LINGO1: variants seen among roughly 807,000 people sequenced by gnomAD.
LINGO1 encodes the protein leucine rich repeat and Ig domain containing 1.
LINGO1 carries 11 observed loss-of-function variants against 37.3 expected under a neutral mutation model. That is an observed-to-expected ratio of 0.29 (90% CI 0.19 to 0.49). The LOEUF (loss-of-function observed/expected upper bound fraction) is 0.49, where lower values mean the gene tolerates loss of function less well. LINGO1 is among the 20% of genes least tolerant of loss of function. The pLI, the probability that LINGO1 is intolerant of heterozygous loss-of-function variation, is 0.99. For synonymous variants in LINGO1, 387 were observed against 403.0 expected (o/e 0.96, Z 0.48); for missense variants, 585 against 878.2 (o/e 0.67, Z 4.22).
chr15:77,697,129 G>T (rs564673047), upstream of LINGO1, among the ~76,000 whole-genome samples: 1 of 152,374 alleles, frequency 6.6e-6, no homozygotes, highest in South Asian at 2.1e-4. Flanking sequence ...GGGCAATAGA[G>T]CCGGGGCTCA....
chr15:77,669,263 C>G (rs1047716038), intron 3 of LINGO1, among the ~76,000 whole-genome samples: 1 of 152,172 alleles, frequency 6.6e-6, no homozygotes, highest in African/African-American at 2.4e-5. Context: ...GGCTTAGGGT[C>G]GCCTCTGCTC....
chr15:77,806,488 G>T (rs1311013473), intron 1 of LINGO1, among the ~76,000 whole-genome samples: 3 of 152,126 alleles, frequency 2.0e-5, no homozygotes, highest in South Asian at 2.1e-4. Flanking sequence ...CAGGTCCCTG[G>T]GGCGAGCTTG....
intron 1 of LINGO1, chr15:77,784,702 G>T (rs898793891): frequency 6.6e-6 from 1 of 152,034 alleles, no homozygotes; most frequent in Non-Finnish European, 1.5e-5. Context: ...AGCCTCTCTC[G>T]GTGGCTCAGA....
At chr15:77,652,471 C>A (rs543878219) in intron 3 of LINGO1, among the ~76,000 whole-genome samples, 67 of 104,860 alleles carry the variant, frequency 6.4e-4, no homozygotes, top group African/African-American at 2.4e-3. Context: ...ACAGCTGCAG[C>A]TGGGGAGGGA....
chr15:77,628,600 C>T (rs934649775), intron 1 of LINGO1, among the ~76,000 whole-genome samples: 13 of 152,096 alleles, frequency 8.5e-5, no homozygotes, highest in Admixed American at 2.0e-4. Flanking sequence ...GGCAACGGGA[C>T]GGGGTGTGCA....
upstream of LINGO1, among the ~76,000 whole-genome samples, chr15:77,791,721 T>C (rs1208045267): frequency 6.6e-6 from 1 of 152,018 alleles, no homozygotes; most frequent in Admixed American, 6.5e-5. Context: ...AAGAGTCCCT[T>C]ACAAGAGGAA....
In LINGO1 at chr15:77,630,377, G is replaced by A. The variant is rs541624574; in HGVS notation, c.6+1933C>T. ...CACACATGAGCCCTCACCGGCACCAGGGATCCCGTCTAGCCTCATGCAGAA... is the reference window on the plus strand; with the variant it reads ...CACACATGAGCCCTCACCGGCACCAAGGATCCCGTCTAGCCTCATGCAGAA... On this transcript the variant is annotated intron_variant, in intron 1 of 1. Coordinates refer to ENST00000355300, the MANE Select transcript of LINGO1 (RefSeq NM_032808.7). Among the ~76,000 whole-genome samples the A allele has an allele frequency of 6.6e-5, 10 of 152,322 alleles. No individual in the cohort carries two copies. In the South Asian group the frequency reaches 1.9e-3, roughly 28 times the overall value.
intron 3 of LINGO1, among the ~76,000 whole-genome samples, chr15:77,650,002 A>G (rs761211022): frequency 6.6e-6 from 1 of 152,248 alleles, no homozygotes; most frequent in Non-Finnish European, 1.5e-5. Flanking sequence ...CCAAATCCCA[A>G]GCCTCAGTGT....
intron 2 of LINGO1, among the ~76,000 whole-genome samples, chr15:77,732,198 C>T (rs1240612195): frequency 6.6e-6 from 1 of 152,226 alleles, no homozygotes; most frequent in African/African-American, 2.4e-5. Flanking sequence ...GCACTCTACA[C>T]TTTACTGCTA....
At chr15:77,782,956 C>G (rs1424916074) in intron 1 of LINGO1, among the ~76,000 whole-genome samples, 1 of 152,090 alleles carries the variant, frequency 6.6e-6, no homozygotes, top group East Asian at 1.9e-4. Flanking sequence ...CACCCCTGTC[C>G]CCGCTCTCTC....
chr15:77,721,460 T>TA (rs1424878047), intron 2 of LINGO1, among the ~76,000 whole-genome samples: 2 of 152,116 alleles, frequency 1.3e-5, no homozygotes, highest in African/African-American at 4.8e-5. Context: ...GGTCTCCTCT[T>TA]AAATACCCTG....
chr15:77,757,911 C>G (rs539147332), intron 1 of LINGO1, among the ~76,000 whole-genome samples: 246 of 152,306 alleles, frequency 1.6e-3, no homozygotes, highest in African/African-American at 5.7e-3. Context: ...CACCGTGGGC[C>G]GCCTTTCCCT....
intron 2 of LINGO1, among the ~76,000 whole-genome samples, chr15:77,715,805 C>G (rs569236406): frequency 9.6e-4 from 146 of 152,312 alleles, no homozygotes; most frequent in African/African-American, 3.4e-3. Flanking sequence ...ACCCTCCTCT[C>G]CATTCATCTC....
chr15:77,778,440 A>G (rs2076682909), intron 1 of LINGO1, among the ~76,000 whole-genome samples: 2 of 152,206 alleles, frequency 1.3e-5, no homozygotes, highest in African/African-American at 4.8e-5. Flanking sequence ...ATACCTGCTC[A>G]ACACCGCATC....
intron 3 of LINGO1, among the ~76,000 whole-genome samples, chr15:77,676,764 C>T (rs2075334535): frequency 6.6e-6 from 1 of 152,208 alleles, no homozygotes; most frequent in South Asian, 2.1e-4. Context: ...AAAGCCTGAG[C>T]AAAGACAGAC....
At chr15:77,792,756 A>G (rs1448177010) in intron 2 of LINGO1, among the ~76,000 whole-genome samples, 5 of 152,242 alleles carry the variant, frequency 3.3e-5, no homozygotes, top group African/African-American at 1.2e-4. Flanking sequence ...GGGCAATGCC[A>G]TGGTCTAACC....
At chr15:77,733,117 A>G (rs2076169683) in intron 2 of LINGO1, among the ~76,000 whole-genome samples, 1 of 151,860 alleles carries the variant, frequency 6.6e-6, no homozygotes, top group Non-Finnish European at 1.5e-5. Flanking sequence ...CAGCTCCCCC[A>G]TCTAGGTCAG....
intron 3 of LINGO1, among the ~76,000 whole-genome samples, chr15:77,657,134 G>A (rs2074883013): frequency 6.6e-6 from 1 of 152,216 alleles, no homozygotes; most frequent in Non-Finnish European, 1.5e-5. Flanking sequence ...TTGGGGACTG[G>A]AGGGATGGCA....
chr15:77,758,935 G>A (rs996009162), intron 1 of LINGO1, among the ~76,000 whole-genome samples: 3 of 152,232 alleles, frequency 2.0e-5, no homozygotes, highest in Non-Finnish European at 4.4e-5. Flanking sequence ...GCCTGGGCCT[G>A]TCTGAGGTGT....
Sources: gnomAD v4.1 joint callset for allele counts (sites outside exome capture counted in the v4.1 genomes callset) on GRCh38, gnomAD v4.1.1 for gene constraint, MANE v1.5 for transcripts, NCBI Gene and HGNC (gene_info 2026-07-23, HGNC 2026-07-21) for gene names.